The following KIAA1217 variants were observed in gnomAD, a reference collection of about 807,000 sequenced individuals.
KIAA1217 encodes the protein sickle tail protein homolog.
In KIAA1217, 88 loss-of-function variants were observed where a neutral mutation model predicts 163.9. The observed-to-expected ratio is 0.54, with a 90% CI of 0.45 to 0.64. The LOEUF is 0.64. Ranked by LOEUF, KIAA1217 falls within the 30% of genes least tolerant of loss-of-function variation. The pLI, the probability that KIAA1217 is intolerant of heterozygous loss-of-function variation, is 0.00. For synonymous variants in KIAA1217, 903 were observed against 923.1 expected, an observed-to-expected ratio of 0.98 and a Z score of 0.39; for missense variants, 2,372 against 2,475.0, an observed-to-expected ratio of 0.96 and a Z score of 0.88.
chr10:23,893,736 C>T (rs1672096906), intron 1 of KIAA1217, among the ~76,000 whole-genome samples: 2 of 151,910 alleles, frequency 1.3e-5, no homozygotes. Context: ...TGCAAAAATC[C>T]TCAATAAAAT....
At chr10:23,873,498 C>T (rs1344869097) in intron 1 of KIAA1217, among the ~76,000 whole-genome samples, 1 of 151,996 alleles carries the variant, frequency 6.6e-6, no homozygotes, top group African/African-American at 2.4e-5. Flanking sequence ...AGGTAATTTA[C>T]TCCCAATTTT....
At position 23,756,182 on chromosome 10, in the gene KIAA1217, C is replaced by G. The variant is rs12246714; in HGVS notation, c.-321+60948C>G. The stretch of plus-strand genomic sequence containing the variant: ...CTCACTATGTTGCCCAAGCTGTTCT[C>G]AAACTCCTTAGCTCCAGTGATCCTC... On this transcript the variant is annotated intron_variant, in intron 1 of 18. Transcript: ENST00000376462. Among the ~76,000 whole-genome samples, 1,045 of 151,200 alleles carry G rather than the reference C, an allele frequency of 6.9e-3. 18 individuals are homozygous for G. Among genetic ancestry groups the G allele is most frequent in the African/African-American group, 0.024 (1,002 of 41,180 alleles).
chr10:23,950,475 C>G (rs1231126067), intron 1 of KIAA1217, among the ~76,000 whole-genome samples: 1 of 131,964 alleles, frequency 7.6e-6, no homozygotes, highest in Non-Finnish European at 1.5e-5. Flanking sequence ...GACTCAATCA[C>G]AGACAGGGAT....
chr10:24,228,005 G>C (rs1221617394), intron 2 of KIAA1217, among the ~76,000 whole-genome samples: 1 of 152,064 alleles, frequency 6.6e-6, no homozygotes, highest in Non-Finnish European at 1.5e-5. Flanking sequence ...GAGACCAGGA[G>C]AGCTGGCTCA....
intron 1 of KIAA1217, among the ~76,000 whole-genome samples, chr10:23,742,548 C>T (rs999128828): frequency 6.6e-6 from 1 of 152,188 alleles, no homozygotes; most frequent in Non-Finnish European, 1.5e-5. Flanking sequence ...AGGCACATCA[C>T]ATGGCGAAAG....
In KIAA1217 at chr10:24,088,232, C is replaced by A. The variant is rs534991985; in HGVS notation, c.-171+80858C>A. ...AAGGAACATCCCAAACTTGTGTCCT[C>A]CCAGGCTCTGTTTTTTTAATATACA... On this transcript the variant is annotated intron_variant, in intron 2 of 18. Transcript: ENST00000376462. Among the ~76,000 whole-genome samples the A allele has an allele frequency of 7.3e-4, 78 of 106,170 alleles. 3 individuals carry two copies. The highest frequency in any genetic ancestry group is 2.5e-3 in the African/African-American group (75 of 30,038). The allele number at this position is 106,170 out of a possible 152,430, so 69.7% of individuals were successfully genotyped here. A position where few individuals can be genotyped will look rare whatever the true frequency, so the allele number is the denominator to read the frequency against.
chr10:24,542,438 A>T, intron 17 of KIAA1217: 1 of 1,124,248 alleles, frequency 8.9e-7, no homozygotes, highest in Non-Finnish European at 1.2e-6. Context: ...TTTCTTCACC[A>T]CTCCCCTACA....
intron 2 of KIAA1217, among the ~76,000 whole-genome samples, chr10:24,114,147 G>C (rs2062960796): frequency 6.6e-6 from 1 of 152,080 alleles, no homozygotes; most frequent in Non-Finnish European, 1.5e-5. Flanking sequence ...TGGAAGACTG[G>C]GAGGCAGGGC....
At chr10:23,706,026 G>A (rs1028896746) in intron 1 of KIAA1217, among the ~76,000 whole-genome samples, 1 of 152,036 alleles carries the variant, frequency 6.6e-6, no homozygotes, top group African/African-American at 2.4e-5. Context: ...GTTGTAAATG[G>A]AATTGTTTGC....
chr10:24,277,857 T>C (rs536903341), intron 2 of KIAA1217, among the ~76,000 whole-genome samples: 1 of 152,324 alleles, frequency 6.6e-6, no homozygotes, highest in South Asian at 2.1e-4. Context: ...CTGAGTCCTC[T>C]CTCTGACTCA....
chr10:24,328,036 C>T (rs2045159294), intron 2 of KIAA1217, among the ~76,000 whole-genome samples: 1 of 152,150 alleles, frequency 6.6e-6, no homozygotes. Context: ...CTGATTGGGA[C>T]CCAGGCTGAA....
chr10:24,356,259 A>G (rs1478770685), intron 2 of KIAA1217, among the ~76,000 whole-genome samples: 1 of 152,226 alleles, frequency 6.6e-6, no homozygotes, highest in Non-Finnish European at 1.5e-5. Flanking sequence ...CTGCAGATGC[A>G]GAAATTGAGG....
intron 1 of KIAA1217, among the ~76,000 whole-genome samples, chr10:23,733,328 G>A (rs755864198): frequency 6.6e-6 from 1 of 152,058 alleles, no homozygotes; most frequent in Non-Finnish European, 1.5e-5. Context: ...GTAAGAATAT[G>A]TTTAAAATTT....
intron 2 of KIAA1217, among the ~76,000 whole-genome samples, chr10:24,232,092 G>T (rs1444670850): frequency 2.0e-5 from 3 of 152,226 alleles, no homozygotes; most frequent in Non-Finnish European, 4.4e-5. Flanking sequence ...ACTGCACGTG[G>T]CCGAGGACTG....
rs12250070 is a variant in KIAA1217, at chr10:24,511,172, A to G, written c.2002-2087A>G. Among the ~76,000 whole-genome samples, 284 of 115,644 alleles carry G rather than the reference A, an allele frequency of 2.5e-3. 16 individuals carry two copies. Among genetic ancestry groups the G allele is most frequent in the African/African-American group, 5.8e-3 (157 of 27,108 alleles). The allele number at this position is 115,644 out of a possible 152,430, so 75.9% of individuals were successfully genotyped here. ...TGTCTCAAAAAAAAAAAAAAAAAAA[A>G]AGGAGCCTGGCCCCTATGAAGAACT... On this transcript the variant is annotated intron_variant, in intron 9 of 20. Coordinates refer to ENST00000376454, the MANE Select transcript of KIAA1217 (RefSeq NM_019590.5).
chr10:24,382,021 T>TC (rs2053377626), intron 3 of KIAA1217, among the ~76,000 whole-genome samples: 1 of 152,068 alleles, frequency 6.6e-6, no homozygotes, highest in African/African-American at 2.4e-5. Flanking sequence ...CATTTCCTTT[T>TC]TTTTTTTTTT....
chr10:24,128,714 AG>A (rs1302518664), intron 2 of KIAA1217, among the ~76,000 whole-genome samples: 1 of 152,228 alleles, frequency 6.6e-6, no homozygotes, highest in Admixed American at 6.5e-5. Flanking sequence ...AATGGAGCAC[AG>A]TCTTCTACCA....
rs1430827854 is a variant in KIAA1217 at position 23,889,320 on chromosome 10, AT to A, written c.-320-117902del. On this transcript the variant is annotated intron_variant, in intron 1 of 18. Coordinates refer to the KIAA1217 transcript ENST00000376462. ...CTCTTCATCCGTGGTTGGGATTGTC[AT>A]TTATTTTTGTTATGGGCATTTTAAT... Among the ~76,000 whole-genome samples, 3 of 151,856 alleles carry A rather than the reference AT, an allele frequency of 2.0e-5. No homozygotes were observed. In the East Asian group the frequency reaches 5.9e-4, roughly 30 times the overall value.
At chr10:24,220,952 G>A (rs1460519183) in intron 2 of KIAA1217, among the ~76,000 whole-genome samples, 3 of 151,736 alleles carry the variant, frequency 2.0e-5, no homozygotes, top group Non-Finnish European at 4.4e-5. Flanking sequence ...GTAGAGACGG[G>A]GTCTTTCTCT....
Sources: allele counts gnomAD v4.1 joint callset (sites outside exome capture counted in the v4.1 genomes callset), GRCh38; gene constraint gnomAD v4.1.1; transcripts MANE v1.5; gene names NCBI Gene and HGNC (gene_info 2026-07-23, HGNC 2026-07-21).